The following PALMD variants were observed in gnomAD, a reference collection of about 807,000 sequenced individuals.
The protein encoded by PALMD is palmdelphin, also known as paralemmin-like protein.
Under a neutral mutation model 56.2 loss-of-function variants are expected in PALMD, and 42 were observed. The observed-to-expected ratio is 0.75, with a 90% confidence interval of 0.58 to 0.97. The LOEUF (loss-of-function observed/expected upper bound fraction) is 0.97. Among genes scored for constraint, PALMD ranks in the 50% least tolerant of loss-of-function variants. PALMD has a pLI of 0.00. For synonymous variants in PALMD, 242 were observed against 222.9 expected (o/e 1.09, Z -0.76); for missense variants, 660 against 643.8 (o/e 1.03, Z -0.27).
intron 2 of PALMD, among the ~76,000 whole-genome samples, chr1:99,664,156 G>A (rs889687094): frequency 3.9e-5 from 6 of 152,284 alleles, no homozygotes; most frequent in Non-Finnish European, 2.9e-5. Flanking sequence ...CTGGAAAAAA[G>A]GGGTGTGTGT....
rs143620823 is a variant in PALMD at position 99,689,273 on chromosome 1, A to G, written c.1013A>G (p.Glu338Gly). The change falls in exon 7 of 8, where the codon GAG (glutamate) becomes GGG (glycine). Residue 338 changes from glutamate to glycine, a missense_variant. Coordinates refer to ENST00000263174, the MANE Select transcript of PALMD (RefSeq NM_017734.5). ...CGATCAGTGATTCAACAAGCAGAAGAGAAGCTTCACACCCCGCAAAAAAGG... is the reference window on the plus strand; with the variant it reads ...CGATCAGTGATTCAACAAGCAGAAGGGAAGCTTCACACCCCGCAAAAAAGG... ...HPRSVIQQAE[E>G]KLHTPQKRLM... The G allele has an allele frequency of 6.2e-7, 1 of 1,613,626 alleles. No homozygotes were observed.
chr1:99,689,187 T>G lies in PALMD; in HGVS notation c.927T>G (p.Leu309=). The G allele has an allele frequency of 6.2e-7, 1 of 1,613,542 alleles. No homozygotes were observed. Among genetic ancestry groups the G allele is most frequent in the Non-Finnish European group, 8.5e-7 (1 of 1,179,750 alleles). The change falls in exon 7 of 8, where the codon CTT becomes CTG. Residue 309 remains leucine (L), a synonymous_variant. Transcript: ENST00000263174. ...NESIHNMGNG[L]SEERGNNFNH... The stretch of plus-strand genomic sequence containing the variant: ...CCATACACAATATGGGCAATGGTCT[T>G]TCAGAGGAAAGGGGAAACAACTTCA...
rs1653168729 is a variant in PALMD, at chr1:99,674,946, G to C, written c.251+7180G>C. Among the ~76,000 whole-genome samples the C allele has an allele frequency of 2.0e-5, 3 of 152,226 alleles. 1 individual carries two copies. The South Asian group carries it at 6.2e-4, about 31-fold the overall frequency. ...CTAGACTTCTGCATTCTGCAGGAGA[G>C]TTTCCCGTGACTAATTTTACCAGCT... On this transcript the variant is annotated intron_variant, in intron 3 of 7. Coordinates refer to ENST00000263174, the MANE Select transcript of PALMD (RefSeq NM_017734.5).
chr1:99,655,950 G>GCA (rs947298555), intron 1 of PALMD, among the ~76,000 whole-genome samples: 795 of 32,036 alleles, frequency 0.025, 6 homozygotes, highest in African/African-American at 0.072. Flanking sequence ...ACACACACAT[G>GCA]CACACACACA....
chr1:99,676,480 C>T (rs894989565), intron 3 of PALMD, among the ~76,000 whole-genome samples: 1 of 152,054 alleles, frequency 6.6e-6, no homozygotes, highest in East Asian at 1.9e-4. Context: ...GCTTTTAGTG[C>T]AATCATCAGC....
intron 1 of PALMD, among the ~76,000 whole-genome samples, chr1:99,648,819 G>T (rs1652500402): frequency 1.5e-5 from 2 of 132,954 alleles, no homozygotes; most frequent in Admixed American, 8.0e-5. Context: ...GCAAAGAACT[G>T]AAAAAATAAA....
At chr1:99,652,311 C>T (rs754874463) in intron 1 of PALMD, among the ~76,000 whole-genome samples, 3 of 152,050 alleles carry the variant, frequency 2.0e-5, no homozygotes, top group African/African-American at 4.8e-5. Flanking sequence ...TCAGGACTTC[C>T]GTAGATTTCT....
chr1:99,661,558 G>T (rs983155325), intron 1 of PALMD, among the ~76,000 whole-genome samples: 2 of 152,188 alleles, frequency 1.3e-5, no homozygotes, highest in Non-Finnish European at 2.9e-5. Flanking sequence ...GCACAGAGAA[G>T]TTAAGGATTT....
chr1:99,657,251 G>C (rs140237178), intron 1 of PALMD, among the ~76,000 whole-genome samples: 2 of 152,096 alleles, frequency 1.3e-5, no homozygotes, highest in East Asian at 3.8e-4. Context: ...TTGGCCCAAG[G>C]ACATCTCAAA....
intron 2 of PALMD, among the ~76,000 whole-genome samples, chr1:99,666,314 C>G (rs1292513195): frequency 6.6e-6 from 1 of 151,514 alleles, no homozygotes; most frequent in African/African-American, 2.4e-5. Flanking sequence ...TGGTAATTAT[C>G]TATCACAACT....
At chr1:99,663,271 G>T (rs900877938) in intron 2 of PALMD, among the ~76,000 whole-genome samples, 1 of 152,080 alleles carries the variant, frequency 6.6e-6, no homozygotes, top group Non-Finnish European at 1.5e-5. Context: ...TCTGGATTCT[G>T]TTTGCTTCTT....
chr1:99,687,668 T>C (rs1653538974), intron 6 of PALMD, among the ~76,000 whole-genome samples: 1 of 150,774 alleles, frequency 6.6e-6, no homozygotes, highest in Non-Finnish European at 1.5e-5. Context: ...CTTTGAATTT[T>C]ACAGTGGAAG....
chr1:99,687,091 T>C lies in PALMD; in HGVS notation c.416T>C (p.Ile139Thr), dbSNP rs1424053183. The change falls in exon 6 of 8, where the codon ATC becomes ACC. Residue 139 changes from isoleucine (I) to threonine (T), a missense_variant. Coordinates refer to ENST00000263174, the MANE Select transcript of PALMD (RefSeq NM_017734.5). ...EERAEESIED[I>T]YANIPDLPKS... ...AATTTTACAGAGTCAATTGAGGACA[T>C]CTATGCTAATATCCCTGACCTTCCA... is the stretch of plus-strand genomic sequence containing the variant. 2 of 1,595,384 alleles carry C rather than the reference T, an allele frequency of 1.3e-6. No individual in the cohort carries two copies. Among genetic ancestry groups the C allele is most frequent in the South Asian group, 1.1e-5 (1 of 90,136 alleles).
At chr1:99,688,001 G>A (rs769069891) in intron 6 of PALMD, among the ~76,000 whole-genome samples, 7 of 152,098 alleles carry the variant, frequency 4.6e-5, no homozygotes, top group Non-Finnish European at 1.0e-4. Flanking sequence ...AATTCTATTC[G>A]CTTTACCTTT....
intron 3 of PALMD, chr1:99,668,949 A>G (rs913904562): frequency 6.6e-6 from 1 of 152,238 alleles, no homozygotes; most frequent in African/African-American, 2.4e-5. Context: ...CAACAAATTA[A>G]AGTCTACCCA....
rs1009335836 is a variant in PALMD at position 99,675,897 on chromosome 1, C to T, written c.251+8131C>T. Among the ~76,000 whole-genome samples the T allele has an allele frequency of 2.0e-5, 3 of 152,110 alleles. No individual in the cohort carries two copies. In the South Asian group the frequency reaches 6.2e-4, roughly 32 times the overall value. On this transcript the variant is annotated intron_variant, in intron 3 of 7. Transcript: ENST00000263174. ...TTTCAAATTAGGATACTATCATCTG[C>T]CCATAAGATAATTATTAATATTTGC... is the stretch of plus-strand genomic sequence containing the variant.
chr1:99,689,715 A>T lies in PALMD; in HGVS notation c.1455A>T (p.Arg485Ser). 1.2e-6 allele frequency: 2 copies of T among 1,613,874 alleles called. No individual in the cohort carries two copies. The highest frequency in any genetic ancestry group is 1.3e-5 in the African/African-American group (1 of 75,020). Reference sequence around the variant, plus strand: ...AACCAACACCACTTCCTAGAAAAAGATCAGAAGCTAGTCCTCATGAAAACA... The same window carrying T: ...AACCAACACCACTTCCTAGAAAAAGTTCAGAAGCTAGTCCTCATGAAAACA... ...PAKPTPLPRKRSEASPHENTN... is the reference protein window; with the variant it reads ...PAKPTPLPRKSSEASPHENTN... The change falls in exon 7 of 8, where the codon AGA becomes AGT. Residue 485 changes from arginine (R) to serine (S), a missense_variant. By Grantham distance (110) the Arg-to-Ser change is moderately radical (BLOSUM62 -1). Coordinates refer to ENST00000263174, the MANE Select transcript of PALMD (RefSeq NM_017734.5).
chr1:99,668,324 T>C (rs1259734915), intron 3 of PALMD: 1 of 152,476 alleles, frequency 6.6e-6, no homozygotes, highest in Admixed American at 6.5e-5. Context: ...ACTAGATTTA[T>C]TTTTAAGTGC....
At chr1:99,647,143 G>C (rs1170809932) in intron 1 of PALMD, among the ~76,000 whole-genome samples, 1 of 152,040 alleles carries the variant, frequency 6.6e-6, no homozygotes, top group Non-Finnish European at 1.5e-5. Flanking sequence ...CCCTGTATTT[G>C]GCAGTAACTT....
Sources: gnomAD v4.1 joint callset for allele counts (sites outside exome capture counted in the v4.1 genomes callset) on GRCh38, gnomAD v4.1.1 for gene constraint, MANE v1.5 for transcripts, NCBI Gene and HGNC (gene_info 2026-07-23, HGNC 2026-07-21) for gene names.